The following MIPEP variants were observed in gnomAD, a reference collection of about 807,000 sequenced individuals.
MIPEP encodes the protein mitochondrial intermediate peptidase.
Under a neutral mutation model 90.3 loss-of-function variants are expected in MIPEP, and 79 were observed. The observed-to-expected ratio is 0.87, with a 90% confidence interval of 0.73 to 1.05. The LOEUF is 1.05. Ranked by LOEUF, MIPEP falls within the 50% of genes least tolerant of loss-of-function variation. The pLI is 0.00. For synonymous variants in MIPEP, 334 were observed against 315.8 expected, an observed-to-expected ratio of 1.06 and a Z score of -0.61; for missense variants, 940 against 905.6, an observed-to-expected ratio of 1.04 and a Z score of -0.49.
chr13:23,807,991 G>T (rs1215930877), intron 15 of MIPEP, among the ~76,000 whole-genome samples: 2 of 152,070 alleles, frequency 1.3e-5, no homozygotes, highest in Middle Eastern at 3.2e-3. Flanking sequence ...GCCTACCCAG[G>T]GAGTCATGCA....
intron 8 of MIPEP, among the ~76,000 whole-genome samples, chr13:23,863,539 T>C (rs1339589609): frequency 6.6e-6 from 1 of 152,230 alleles, no homozygotes; most frequent in East Asian, 1.9e-4. Context: ...ATGAATTTCG[T>C]GTTTAGACTT....
At chr13:23,883,078 G>A (rs1871333021) in intron 2 of MIPEP, among the ~76,000 whole-genome samples, 1 of 151,910 alleles carries the variant, frequency 6.6e-6, no homozygotes, top group Non-Finnish European at 1.5e-5. Flanking sequence ...CTCACTGGCA[G>A]GTAATATCTT....
At chr13:23,810,323 G>A (rs1241611926) in intron 14 of MIPEP, among the ~76,000 whole-genome samples, 1 of 152,198 alleles carries the variant, frequency 6.6e-6, no homozygotes, top group Non-Finnish European at 1.5e-5. Flanking sequence ...AGATGAAAAT[G>A]TCAAGAAATA....
At chr13:23,850,691 T>C (rs1869761984) in intron 10 of MIPEP, among the ~76,000 whole-genome samples, 1 of 152,220 alleles carries the variant, frequency 6.6e-6, no homozygotes, top group South Asian at 2.1e-4. Context: ...GATGACAGAA[T>C]TCTCGCCATA....
intron 10 of MIPEP, among the ~76,000 whole-genome samples, chr13:23,851,405 T>A (rs543595156): frequency 1.3e-5 from 2 of 152,254 alleles, no homozygotes; most frequent in East Asian, 1.9e-4. Flanking sequence ...ATAATACTCA[T>A]TTGTCACTAG....
At chr13:23,760,803 C>CAAA (rs1952534180) in intron 16 of MIPEP, among the ~76,000 whole-genome samples, 1 of 152,164 alleles carries the variant, frequency 6.6e-6, no homozygotes, top group African/African-American at 2.4e-5. Context: ...TGTTTTGCTC[C>CAAA]AAATATATGG....
rs565660000 is a variant in MIPEP, at chr13:23,756,611, C to T, written c.1978G>A (p.Gly660Arg). 1.1e-5 allele frequency: 17 copies of T among 1,613,080 alleles called. No individual in the cohort carries two copies. The highest frequency in any genetic ancestry group is 2.2e-5 in the East Asian group (1 of 44,890). Reference sequence around the variant, plus strand: ...AGCATCTCCCTGCGATAGCGCTCCCCGGCAGCCCTGGGGAAGAGAGGTTCT... The same window carrying T: ...AGCATCTCCCTGCGATAGCGCTCCCTGGCAGCCCTGGGGAAGAGAGGTTCT... ...FLQDPFNRAA[G>R]ERYRREMLAH... The change falls in exon 18 of 19, where the codon GGG (glycine) becomes AGG (arginine). Residue 660 changes from glycine (G) to arginine (R), a missense_variant. By Grantham distance (125) the Gly-to-Arg change is moderately radical (BLOSUM62 -2). Transcript: ENST00000382172.
intron 12 of MIPEP, among the ~76,000 whole-genome samples, chr13:23,838,172 C>A (rs1869138600): frequency 6.6e-6 from 1 of 151,894 alleles, no homozygotes; most frequent in Admixed American, 6.6e-5. Context: ...AAGATAGGGT[C>A]TTGCTCTGTT....
rs1430472167 is a variant in MIPEP, at chr13:23,887,964, GC to G, written c.189+1167del. 7.7e-5 allele frequency: 25 copies of G among 326,290 alleles called. No individual in the cohort carries two copies. The Admixed American group carries it at 1.1e-3, about 14-fold the overall frequency. The allele number at this position is 326,290 out of a possible 1,614,324, so 20.2% of individuals were successfully genotyped here. A position where few individuals can be genotyped will look rare whatever the true frequency, so the allele number is the denominator to read the frequency against. ...CTACTTCCACTTCCCAGTACAACCTGCCCATATTGCTCTCGGGAATTCTAAC... is the reference window on the plus strand; with the variant it reads ...CTACTTCCACTTCCCAGTACAACCTGCCATATTGCTCTCGGGAATTCTAAC... On this transcript the variant is annotated intron_variant, in intron 1 of 18. Transcript: ENST00000382172.
At chr13:23,873,784 G>A (rs1414749586) in intron 5 of MIPEP, among the ~76,000 whole-genome samples, 7 of 152,132 alleles carry the variant, frequency 4.6e-5, no homozygotes, top group Admixed American at 4.6e-4. Flanking sequence ...TATTAATGAA[G>A]AATTGATGTG....
At position 23,846,094 on chromosome 13, in the gene MIPEP, T is replaced by G. The variant is rs75249494; in HGVS notation, c.1107-4606A>C. Among the ~76,000 whole-genome samples, 219 of 152,272 alleles carry G rather than the reference T, an allele frequency of 1.4e-3. 6 individuals carry two copies. The East Asian group carries it at 0.038, about 26-fold the overall frequency. On this transcript the variant is annotated intron_variant, in intron 10 of 18. Transcript: ENST00000382172. ...GGTTTTAAAATAAACATTTATTTATTGGTTTAGCAATTTTAGATAATATTT... is the reference window on the plus strand; with the variant it reads ...GGTTTTAAAATAAACATTTATTTATGGGTTTAGCAATTTTAGATAATATTT...
chr13:23,757,706 G>A (rs1012732035), intron 17 of MIPEP, among the ~76,000 whole-genome samples: 12 of 152,112 alleles, frequency 7.9e-5, no homozygotes, highest in South Asian at 2.1e-4. Context: ...CCTTGTTCCC[G>A]TCTTCTGGTA....
intron 18 of MIPEP, among the ~76,000 whole-genome samples, chr13:23,733,925 T>C (rs1952232443): frequency 6.6e-6 from 1 of 152,206 alleles, no homozygotes; most frequent in African/African-American, 2.4e-5. Flanking sequence ...AGTAAAATAA[T>C]CTGCATGCAT....
chr13:23,825,755 G>A (rs1868419684), intron 14 of MIPEP, among the ~76,000 whole-genome samples: 1 of 152,078 alleles, frequency 6.6e-6, no homozygotes, highest in South Asian at 2.1e-4. Flanking sequence ...ACCTACCCTG[G>A]CTGAGTCTAA....
intron 18 of MIPEP, among the ~76,000 whole-genome samples, chr13:23,743,797 G>A (rs7321351): frequency 0.021 from 3,212 of 152,166 alleles, 120 homozygotes; most frequent in African/African-American, 0.073. Context: ...CATTAAACAC[G>A]CACACACCCT....
chr13:23,836,530 A>G (rs1164744543), intron 13 of MIPEP, among the ~76,000 whole-genome samples, 181 bp from the exon 14 acceptor site: 1 of 152,214 alleles, frequency 6.6e-6, no homozygotes, highest in East Asian at 1.9e-4. Context: ...TTATAATCCT[A>G]TATATTTTCC....
intron 16 of MIPEP, among the ~76,000 whole-genome samples, chr13:23,788,119 G>A (rs1816137635): frequency 6.6e-6 from 1 of 152,170 alleles, no homozygotes; most frequent in African/African-American, 2.4e-5. Context: ...TATAAAAAAG[G>A]AAACTCCCAC....
At chr13:23,855,295 G>C (rs539735727) in intron 10 of MIPEP, among the ~76,000 whole-genome samples, 1 of 151,870 alleles carries the variant, frequency 6.6e-6, no homozygotes. Flanking sequence ...ATACTACTAC[G>C]GTATTTTCCA....
chr13:23,747,504 A>G (rs1352704821), intron 18 of MIPEP: 1 of 498,942 alleles, frequency 2.0e-6, no homozygotes, highest in South Asian at 1.5e-5. Flanking sequence ...ACTAGAACAA[A>G]AAGTGTCTAA....
Sources: allele counts gnomAD v4.1 joint callset (sites outside exome capture counted in the v4.1 genomes callset), GRCh38; gene constraint gnomAD v4.1.1; transcripts MANE v1.5; gene names NCBI Gene and HGNC (gene_info 2026-07-23, HGNC 2026-07-21).